PIK3R2: variants seen among roughly 807,000 people sequenced by gnomAD.
The protein encoded by PIK3R2 is phosphoinositide-3-kinase regulatory subunit 2.
A neutral mutation model predicts 78.5 loss-of-function variants in PIK3R2; 40 were observed. That is an observed-to-expected ratio of 0.51 (90% confidence interval 0.40 to 0.66). The LOEUF (loss-of-function observed/expected upper bound fraction) is 0.66. Ranked by LOEUF, PIK3R2 falls within the 30% of genes least tolerant of loss-of-function variation. The pLI is 0.00. For missense variants in PIK3R2, 880 were observed against 1,026.6 expected (o/e 0.86, Z 1.95); for synonymous variants, 473 against 457.7 (o/e 1.03, Z -0.43).
Position 18,169,969 on chromosome 19 carries a change from G to T in PIK3R2, c.*675G>T, listed in dbSNP as rs535565139. ...CATGCCTGTAATCCCAGCACTTTGG[G>T]AGGCCAAGACGGGCGGATCTTTTGA... On this transcript the variant is annotated 3_prime_UTR_variant, in exon 16 of 16. Coordinates refer to ENST00000222254, the MANE Select transcript of PIK3R2 (RefSeq NM_005027.4). 245 of 180,694 alleles carry T rather than the reference G, an allele frequency of 1.4e-3. 1 individual carries two copies. Among genetic ancestry groups the T allele is most frequent in the South Asian group, 6.1e-3 (31 of 5,070 alleles). 11.2% of individuals were successfully genotyped at this position (180,694 alleles called of 1,614,324 possible). A position where few individuals can be genotyped will look rare whatever the true frequency, so the allele number is the denominator to read the frequency against.
At position 18,160,950 on chromosome 19, in the gene PIK3R2, G is replaced by A. The variant is rs2043735415; in HGVS notation, c.447G>A (p.Glu149=). ...ACAGCGAATCTCACTACCGCCCGGA[G>A]CTGCCCGCACCGCGTACAGGTGAAG... ...GLDSESHYRP[E]LPAPRTDWSL... is the part of the protein sequence containing the mutation. The change falls in exon 4 of 16, where the codon GAG becomes GAA. Residue 149 remains glutamate, a synonymous_variant. Coordinates refer to ENST00000222254, the MANE Select transcript of PIK3R2 (RefSeq NM_005027.4). The A allele has an allele frequency of 2.5e-6, 4 of 1,612,122 alleles. No homozygotes were observed. Among genetic ancestry groups the A allele is most frequent in the African/African-American group, 2.7e-5 (2 of 74,940 alleles).
chr19:18,161,816 C>G lies in PIK3R2; in HGVS notation c.816-150C>G. ...TGCATACAGCTATGAGGGAGCTGGCCTCGCACATGTGCCTGTATCATCTCC... is the reference window on the plus strand; with the variant it reads ...TGCATACAGCTATGAGGGAGCTGGCGTCGCACATGTGCCTGTATCATCTCC... On this transcript the variant is annotated intron_variant, in intron 6 of 15. Transcript: ENST00000222254. This position sits in a 1 kb window ranked among gnomAD's most constrained non-coding sequence, Gnocchi z 5.3. 2 of 654,622 alleles carry G rather than the reference C, an allele frequency of 3.1e-6. No homozygotes were observed. The highest frequency in any genetic ancestry group is 4.1e-4 in the Middle Eastern group (1 of 2,426). 40.6% of individuals were successfully genotyped at this position (654,622 alleles called of 1,614,324 possible).
At chr19:18,160,008 G>A (rs764475036) in intron 2 of PIK3R2, among the ~76,000 whole-genome samples, 2 of 152,146 alleles carry the variant, frequency 1.3e-5, no homozygotes, top group African/African-American at 4.8e-5. Flanking sequence ...CAAAGTGCTG[G>A]GATTCCAGGC....
At chr19:18,159,163 T>TTTTTTTTTTTTTTA (rs1555813899) in intron 2 of PIK3R2, among the ~76,000 whole-genome samples, 5 of 140,362 alleles carry the variant, frequency 3.6e-5, no homozygotes, top group Non-Finnish European at 7.7e-5. Flanking sequence ...TTTTTTTTTT[T>TTTTTTTTTTTTTTA]AAATTATTTA....
At position 18,161,212 on chromosome 19, in the gene PIK3R2, AG is replaced by A. The variant is rs1568635709; in HGVS notation, c.598+29del. The A allele has an allele frequency of 6.5e-7, 1 of 1,535,214 alleles. No individual in the cohort carries two copies. The highest frequency in any genetic ancestry group is 8.8e-7 in the Non-Finnish European group (1 of 1,141,656). On this transcript the variant is annotated intron_variant, in intron 5 of 15. Transcript: ENST00000222254. The surrounding 1 kb of genome is among the most constrained non-coding windows in gnomAD (Gnocchi z 5.3). ...TGAGCCTGGCGGGTAGCCCGGGGGA[AG>A]GAGGGGGCTGTAGCGGGTGGGAGGG...
chr19:18,168,821 T>C lies in PIK3R2; in HGVS notation c.1904T>C (p.Met635Thr). Reference sequence around the variant, plus strand: ...ATCAACCGCACGCAGGCAGAGGAGATGCTGAGTGGCAAGCGGGATGGCACC... The same window carrying C: ...ATCAACCGCACGCAGGCAGAGGAGACGCTGAGTGGCAAGCGGGATGGCACC... Reference protein sequence around the residue: ...GKINRTQAEEMLSGKRDGTFL... With the variant: ...GKINRTQAEETLSGKRDGTFL... Residue 635 changes from methionine to threonine, a missense_variant, in exon 15 of 16, where the codon ATG (methionine) becomes ACG (threonine). By Grantham distance (81) the Met-to-Thr change is moderately conservative. Transcript: ENST00000222254. The surrounding 1 kb of genome is among the most constrained non-coding windows in gnomAD (Gnocchi z 4.1). 1 of 1,613,920 alleles carries C rather than the reference T, an allele frequency of 6.2e-7. No homozygotes were observed. Among genetic ancestry groups the C allele is most frequent in the Non-Finnish European group, 8.5e-7 (1 of 1,179,932 alleles).
At chr19:18,159,734 C>G (rs1051233687) in intron 2 of PIK3R2, among the ~76,000 whole-genome samples, 1 of 151,830 alleles carries the variant, frequency 6.6e-6, no homozygotes, top group Admixed American at 6.6e-5. Context: ...CATGAGCCAC[C>G]GCACCCGGCC....
At position 18,168,427 on chromosome 19, in the gene PIK3R2, TCAGCACCCACA is replaced by T. The variant is rs1342875651; in HGVS notation, c.1737-45_1737-35del. 1.0e-5 allele frequency: 8 copies of T among 767,280 alleles called. No homozygotes were observed. The highest frequency in any genetic ancestry group is 1.9e-5 in the Non-Finnish European group (8 of 411,814). 47.5% of individuals were successfully genotyped at this position (767,280 alleles called of 1,614,324 possible). A position where few individuals can be genotyped will look rare whatever the true frequency, so the allele number is the denominator to read the frequency against. On this transcript the variant is annotated intron_variant, in intron 13 of 15. Coordinates refer to ENST00000222254, the MANE Select transcript of PIK3R2 (RefSeq NM_005027.4). The surrounding 1 kb of genome is among the most constrained non-coding windows in gnomAD (Gnocchi z 4.1). ...CCCACCGGACAGGCCCACTGTGGGC[TCAGCACCCACA>T]CAACTGCACAAGCCCACCTTTCCTG...
chr19:18,168,276 G>A lies in PIK3R2; in HGVS notation c.1737-199G>A, dbSNP rs975247490. ...CAAAAAAATGAGGGGTGTGGGTCAG[G>A]GTTCCCCAGCAGAGCTGGGCGAGCC... is the stretch of plus-strand genomic sequence containing the variant. On this transcript the variant is annotated intron_variant, in intron 13 of 15. Transcript: ENST00000222254. This position sits in a 1 kb window ranked among gnomAD's most constrained non-coding sequence, Gnocchi z 4.1. 6.6e-6 allele frequency among the ~76,000 whole-genome samples: 1 copy of A among 152,166 alleles called. No homozygotes were observed. The highest frequency in any genetic ancestry group is 6.5e-5 in the Admixed American group (1 of 15,276).
Position 18,168,825 on chromosome 19 carries a change from G to C in PIK3R2, c.1908G>C (p.Leu636=). 6.2e-7 allele frequency: 1 copy of C among 1,613,974 alleles called. No homozygotes were observed. Among genetic ancestry groups the C allele is most frequent in the East Asian group, 2.2e-5 (1 of 44,874 alleles). The change falls in exon 15 of 16, where the codon CTG becomes CTC. Residue 636 remains leucine, a synonymous_variant. Coordinates refer to ENST00000222254, the MANE Select transcript of PIK3R2 (RefSeq NM_005027.4). This position sits in a 1 kb window ranked among gnomAD's most constrained non-coding sequence, Gnocchi z 4.1. ...KINRTQAEEM[L]SGKRDGTFLI... ...ACCGCACGCAGGCAGAGGAGATGCTGAGTGGCAAGCGGGATGGCACCTTCC... is the reference window on the plus strand; with the variant it reads ...ACCGCACGCAGGCAGAGGAGATGCTCAGTGGCAAGCGGGATGGCACCTTCC...
chr19:18,160,629 CCT>C (rs1268482226), intron 3 of PIK3R2, 66 bp downstream of exon 3: 1 of 1,269,020 alleles, frequency 7.9e-7, no homozygotes, highest in Non-Finnish European at 1.1e-6. Context: ...GGCGACTCAT[CCT>C]CTCACAGGGC....
In PIK3R2 at chr19:18,155,925, C is replaced by G. The variant is rs80233027; in HGVS notation, c.46C>G (p.Arg16Gly). The G allele has an allele frequency of 4.5e-6, 7 of 1,567,588 alleles. No individual in the cohort carries two copies. The highest frequency in any genetic ancestry group is 5.2e-6 in the Non-Finnish European group (6 of 1,156,662). The change falls in exon 2 of 16, where the codon CGC becomes GGC. Residue 16 changes from arginine to glycine, a missense_variant. Transcript: ENST00000222254. ...CCAGTACCGCGCTCTGTACCCGTTC[C>G]GCCGGGAGCGGCCGGAGGACCTGGA... ...GFQYRALYPF[R>G]RERPEDLELL...
rs900329067 is a variant in PIK3R2, at chr19:18,157,449, C to T, written c.322+1248C>T. ...TCGGCCAGAACCCGCCCCCTCGAGG[C>T]CTCAGTTTCCTCATCTGGAAACAAC... On this transcript the variant is annotated intron_variant, in intron 2 of 15. Transcript: ENST00000222254. 1.8e-4 allele frequency among the ~76,000 whole-genome samples: 27 copies of T among 152,216 alleles called. 1 individual carries two copies. Among genetic ancestry groups the T allele is most frequent in the Non-Finnish European group, 5.9e-5 (4 of 68,034 alleles).
chr19:18,165,204 C>A (rs553879603), intron 11 of PIK3R2, among the ~76,000 whole-genome samples: 20 of 106,766 alleles, frequency 1.9e-4, no homozygotes, highest in Non-Finnish European at 3.8e-4. Flanking sequence ...CCTGTCTCTA[C>A]TAAAAATACA....
Position 18,163,999 on chromosome 19 carries a change from C to T in PIK3R2, c.1416+611C>T, listed in dbSNP as rs528318888. ...AAAATTAGCTGGGCATGGTGGCGGA[C>T]GCCTGTAATCCCAGCTACTCAGAGG... On this transcript the variant is annotated intron_variant, in intron 11 of 15. Transcript: ENST00000222254. Among the ~76,000 whole-genome samples the T allele has an allele frequency of 5.3e-5, 8 of 149,872 alleles. No individual in the cohort carries two copies. The East Asian group carries it at 1.2e-3, about 22-fold the overall frequency.
chr19:18,169,923 C>T lies in PIK3R2; in HGVS notation c.*629C>T, dbSNP rs959641169. ...CCACCCCCGAAAAAATAATTAAACT[C>T]GCAGGCCAGGCACGGTGGCTCATGC... On this transcript the variant is annotated 3_prime_UTR_variant, in exon 16 of 16. Transcript: ENST00000222254. The T allele has an allele frequency of 5.3e-6, 1 of 189,286 alleles. No individual in the cohort carries two copies. Among genetic ancestry groups the T allele is most frequent in the African/African-American group, 2.3e-5 (1 of 42,826 alleles). 11.7% of individuals were successfully genotyped at this position (189,286 alleles called of 1,614,324 possible). A position where few individuals can be genotyped will look rare whatever the true frequency, so the allele number is the denominator to read the frequency against.
chr19:18,168,761 C>T lies in PIK3R2; in HGVS notation c.1844C>T (p.Pro615Leu), dbSNP rs769054769. ...YALMEDEDDL[P>L]HHEERTWYVG... ...CTCATGGAGGACGAGGACGATCTCC[C>T]GCACCACGAGGAACGCACTTGGTAC... is the stretch of plus-strand genomic sequence containing the variant. The change falls in exon 15 of 16, where the codon CCG becomes CTG. Residue 615 changes from proline to leucine, a missense_variant. Physicochemically the swap from Pro to Leu is moderately conservative, Grantham distance 98. Coordinates refer to ENST00000222254, the MANE Select transcript of PIK3R2 (RefSeq NM_005027.4). This position sits in a 1 kb window ranked among gnomAD's most constrained non-coding sequence, Gnocchi z 4.1. The T allele has an allele frequency of 3.7e-6, 6 of 1,613,634 alleles. No homozygotes were observed. The highest frequency in any genetic ancestry group is 1.3e-5 in the African/African-American group (1 of 74,914).
chr19:18,153,987 TC>T, intron 1 of PIK3R2, among the ~76,000 whole-genome samples: 1 of 152,054 alleles, frequency 6.6e-6, no homozygotes, highest in Admixed American at 6.5e-5. Context: ...CTCTTGGGGT[TC>T]CCCGTGACTG....
In PIK3R2 at chr19:18,163,276, A is replaced by G; in HGVS notation, c.1304A>G (p.Lys435Arg). Residue 435 changes from lysine (K) to arginine (R), a missense_variant, in exon 11 of 16, where the codon AAG (lysine) becomes AGG (arginine). Lys to Arg is a conservative substitution (Grantham distance 26). This residue lies in a region of PIK3R2 where 156 missense variants were observed against 241.0 expected (regional missense o/e 0.65). Transcript: ENST00000222254. ...ACGTATCTCCAGGACCAGATTGTCA[A>G]GGAGGACAGCGTGGAGGCAGTGGGC... ...VSKYQQDQIV[K>R]EDSVEAVGAQ... 6.2e-7 allele frequency: 1 copy of G among 1,614,124 alleles called. No individual in the cohort carries two copies. The highest frequency in any genetic ancestry group is 8.5e-7 in the Non-Finnish European group (1 of 1,180,010).
Sources: allele counts gnomAD v4.1 joint callset (sites outside exome capture counted in the v4.1 genomes callset), GRCh38; gene constraint gnomAD v4.1.1; regional missense constraint gnomAD v4.1.1; non-coding constraint Gnocchi (gnomAD v3.1); transcripts MANE v1.5; gene names NCBI Gene and HGNC (gene_info 2026-07-23, HGNC 2026-07-21).